The following CAST variants were observed in gnomAD, a reference collection of about 807,000 sequenced individuals.
The protein encoded by CAST is calpastatin.
Under a neutral mutation model 119.6 loss-of-function variants are expected in CAST, and 76 were observed. The observed-to-expected ratio is 0.64, with a 90% CI of 0.53 to 0.77. CAST has a LOEUF of 0.77. Ranked by LOEUF, CAST falls within the 30% of genes least tolerant of loss-of-function variation. The pLI is 0.00. For missense variants in CAST, 953 were observed against 946.5 expected, an observed-to-expected ratio of 1.01 and a Z score of -0.09; for synonymous variants, 319 against 331.6, an observed-to-expected ratio of 0.96 and a Z score of 0.41.
the CAST span, among the ~76,000 whole-genome samples, chr5:96,416,852 C>T: frequency 6.6e-6 from 1 of 152,216 alleles, no homozygotes; most frequent in Non-Finnish European, 1.5e-5. Flanking sequence ...AAAAATGCGT[C>T]TTCCAAACAC....
chr5:96,033,187 T>G, the CAST span, among the ~76,000 whole-genome samples: 1 of 152,230 alleles, frequency 6.6e-6, no homozygotes, highest in East Asian at 1.9e-4. Context: ...CACAAATAAC[T>G]GTAAGGATAT....
chr5:96,554,371 G>T (rs1746192503), intron 1 of CAST, among the ~76,000 whole-genome samples: 1 of 152,128 alleles, frequency 6.6e-6, no homozygotes, highest in Non-Finnish European at 1.5e-5. Flanking sequence ...ACTGAAACTG[G>T]ACCCCTTCCT....
At chr5:95,987,969 A>G in the CAST span, among the ~76,000 whole-genome samples, 3 of 152,212 alleles carry the variant, frequency 2.0e-5, no homozygotes, top group African/African-American at 4.8e-5. Flanking sequence ...TAGAGACTAG[A>G]AAGTGCTGAT....
At chr5:96,147,779 A>G in the CAST span, among the ~76,000 whole-genome samples, 488 of 152,358 alleles carry the variant, frequency 3.2e-3, 2 homozygotes, top group East Asian at 6.4e-3. Context: ...GGTAAGTGTC[A>G]AAGTGATTAC....
the CAST span, among the ~76,000 whole-genome samples, chr5:96,418,623 C>A: frequency 3.9e-5 from 6 of 152,144 alleles, no homozygotes; most frequent in African/African-American, 1.4e-4. Flanking sequence ...GAGATAATAA[C>A]CTTGGAATTG....
chr5:96,749,748 T>C (rs1436479658), intron 19 of CAST, among the ~76,000 whole-genome samples: 1 of 152,206 alleles, frequency 6.6e-6, no homozygotes, highest in African/African-American at 2.4e-5. Context: ...GGTTTGGCCA[T>C]GTTGCCCAGG....
At chr5:95,980,835 G>T in the CAST span, among the ~76,000 whole-genome samples, 1 of 152,002 alleles carries the variant, frequency 6.6e-6, no homozygotes, top group Non-Finnish European at 1.5e-5. Context: ...GGTGGCTGGG[G>T]ACCCCCAAGA....
chr5:96,171,986 G>A, the CAST span, among the ~76,000 whole-genome samples: 2 of 147,704 alleles, frequency 1.4e-5, no homozygotes, highest in Non-Finnish European at 3.0e-5. Context: ...ACTCACATCC[G>A]TGTGAAGAGA....
At chr5:96,036,323 T>C in the CAST span, among the ~76,000 whole-genome samples, 1 of 151,978 alleles carries the variant, frequency 6.6e-6, no homozygotes, top group Admixed American at 6.6e-5. Flanking sequence ...TTTAAGAAAA[T>C]AAAAACAAAA....
At chr5:96,565,501 A>G (rs984366093) in intron 1 of CAST, among the ~76,000 whole-genome samples, 2 of 152,210 alleles carry the variant, frequency 1.3e-5, no homozygotes, top group Non-Finnish European at 2.9e-5. Flanking sequence ...CCCAAATCAT[A>G]CTGTGAATGA....
chr5:96,579,123 C>G (rs779499336), intron 1 of CAST, among the ~76,000 whole-genome samples: 5 of 152,178 alleles, frequency 3.3e-5, no homozygotes, highest in African/African-American at 4.8e-5. Context: ...TGGGTCCTTT[C>G]TGCTGGTTCT....
chr5:96,304,024 C>T, the CAST span, among the ~76,000 whole-genome samples: 6 of 152,212 alleles, frequency 3.9e-5, no homozygotes, highest in Non-Finnish European at 7.3e-5. Context: ...GGAATTTCCA[C>T]ACTGTCTTCC....
At chr5:96,374,523 A>C in the CAST span, among the ~76,000 whole-genome samples, 3 of 152,166 alleles carry the variant, frequency 2.0e-5, no homozygotes, top group African/African-American at 7.2e-5. Context: ...ATACTGTACT[A>C]TGCACTAGAC....
intron 1 of CAST, among the ~76,000 whole-genome samples, chr5:96,565,989 G>T (rs1220384568): frequency 1.3e-5 from 2 of 152,182 alleles, no homozygotes; most frequent in African/African-American, 4.8e-5. Context: ...ACTGAAAATA[G>T]AGGCGGAGAA....
the CAST span, among the ~76,000 whole-genome samples, chr5:96,088,262 C>A: frequency 5.9e-5 from 9 of 152,344 alleles, no homozygotes; most frequent in Non-Finnish European, 8.8e-5. Flanking sequence ...GGGACCTCAT[C>A]ACTCCCTCCG....
the CAST span, among the ~76,000 whole-genome samples, chr5:96,152,662 A>G: frequency 5.9e-5 from 9 of 152,232 alleles, no homozygotes; most frequent in African/African-American, 2.2e-4. Context: ...CTAAACTACC[A>G]GAGATTTCCA....
chr5:96,008,635 C>A, the CAST span, among the ~76,000 whole-genome samples: 146 of 152,220 alleles, frequency 9.6e-4, no homozygotes, highest in Non-Finnish European at 1.6e-3. Flanking sequence ...ACAACATAAT[C>A]CAAGAAATAC....
In CAST at chr5:96,746,543, T is replaced by G. The variant is rs888878948; in HGVS notation, c.1284+118T>G. ...CTGTCCCCCATTCAGATATTAACTC[T>G]GAAAACCCTGAACCTTTTTTTCTCT... On this transcript the variant is annotated intron_variant, in intron 17 of 31. Coordinates refer to ENST00000675179, the MANE Select transcript of CAST (RefSeq NM_001750.7). 6.1e-5 allele frequency: 45 copies of G among 742,468 alleles called. No homozygotes were observed. In the African/African-American group the frequency reaches 6.6e-4, roughly 11 times the overall value. The allele number at this position is 742,468 out of a possible 1,614,324, so 46.0% of individuals were successfully genotyped here. A position where few individuals can be genotyped will look rare whatever the true frequency, so the allele number is the denominator to read the frequency against.
At chr5:96,331,719 T>C in the CAST span, among the ~76,000 whole-genome samples, 1 of 152,238 alleles carries the variant, frequency 6.6e-6, no homozygotes, top group African/African-American at 2.4e-5. Context: ...CAACATTACA[T>C]ATTTACTGAA....
Sources: allele counts gnomAD v4.1 joint callset (sites outside exome capture counted in the v4.1 genomes callset), GRCh38; gene constraint gnomAD v4.1.1; transcripts MANE v1.5; gene names NCBI Gene and HGNC (gene_info 2026-07-23, HGNC 2026-07-21).